The following SEC16B variants were observed in gnomAD, a reference collection of about 807,000 sequenced individuals.
The protein encoded by SEC16B is SEC16 homolog B, endoplasmic reticulum export factor, also known as protein transport protein Sec16B.
In SEC16B, 115 loss-of-function variants were observed where a neutral mutation model predicts 141.8. The ratio of observed to expected loss-of-function variants is 0.81; its 90% CI spans 0.70 to 0.95. The LOEUF (loss-of-function observed/expected upper bound fraction) is 0.95. Ranked by LOEUF, SEC16B falls within the 40% of genes least tolerant of loss-of-function variation. The probability of loss-of-function intolerance (pLI) is 0.00; values close to 1 mark genes in which losing one functional copy is unlikely to be tolerated. For synonymous variants in SEC16B, 493 were observed against 492.5 expected (o/e 1.00, Z -0.01); for missense variants, 1,291 against 1,312.3 (o/e 0.98, Z 0.25).
At chr1:177,980,125 G>T (rs969679520) in intron 1 of SEC16B, among the ~76,000 whole-genome samples, 1 of 152,176 alleles carries the variant, frequency 6.6e-6, no homozygotes, top group African/African-American at 2.4e-5. Context: ...GTACGAGCTT[G>T]CTAGACGTAT....
chr1:177,979,985 A>T (rs1352104004), intron 1 of SEC16B, among the ~76,000 whole-genome samples: 8 of 152,202 alleles, frequency 5.3e-5, no homozygotes, highest in Non-Finnish European at 1.0e-4. Context: ...CAGCCAAAGC[A>T]TATTACTAAG....
upstream of SEC16B, among the ~76,000 whole-genome samples, chr1:177,971,216 G>A (rs533380419): frequency 2.6e-5 from 4 of 152,110 alleles, no homozygotes; most frequent in Non-Finnish European, 2.9e-5. Flanking sequence ...CGAGTAGCTG[G>A]GATTACAGGT....
At position 177,937,304 on chromosome 1, in the gene SEC16B, G is replaced by A. The variant is rs1325959694; in HGVS notation, c.2413C>T (p.His805Tyr). ...ACGCTGCTGCCAGTCCCTGGTAGAT[G>A]GGTCTCAGGAACTGAGTAAAAAGGC... is the stretch of plus-strand genomic sequence containing the variant. ...PRPFYSVPET[H>Y]LPGTGSSVAV... Residue 805 changes from histidine to tyrosine, a missense_variant, in exon 19 of 26, where the codon CAT becomes TAT. Physicochemically the swap from His to Tyr is moderately conservative, Grantham distance 83. This residue lies in a region of SEC16B where 605 missense variants were observed against 614.1 expected (regional missense o/e 0.99). Transcript: ENST00000308284. 1 of 1,613,886 alleles carries A rather than the reference G, an allele frequency of 6.2e-7. No individual in the cohort carries two copies. Among genetic ancestry groups the A allele is most frequent in the Non-Finnish European group, 8.5e-7 (1 of 1,179,872 alleles).
chr1:177,972,910 G>C (rs114830782), upstream of SEC16B, among the ~76,000 whole-genome samples: 4,451 of 152,158 alleles, frequency 0.029, 217 homozygotes, highest in African/African-American at 0.098. Context: ...CTGCTCTCTG[G>C]TGTGTAAGAA....
chr1:177,953,366 G>C (rs1443437152), intron 11 of SEC16B, among the ~76,000 whole-genome samples: 1 of 152,178 alleles, frequency 6.6e-6, no homozygotes, highest in East Asian at 1.9e-4. Flanking sequence ...TCAAATATTA[G>C]TTCAGCTGAG....
intron 18 of SEC16B, among the ~76,000 whole-genome samples, chr1:177,939,253 T>C (rs1173399998): frequency 2.0e-5 from 3 of 152,176 alleles, no homozygotes; most frequent in African/African-American, 7.2e-5. Context: ...AGAGTGGAGA[T>C]GCCATGAAAA....
intron 3 of SEC16B, among the ~76,000 whole-genome samples, 188 bp downstream of exon 3, chr1:177,965,705 A>G (rs2101997858): frequency 6.6e-6 from 1 of 152,284 alleles, no homozygotes; most frequent in Middle Eastern, 3.4e-3. Context: ...TATGCATACA[A>G]AGGAAAACAA....
chr1:177,932,110 G>A (rs982106300), intron 24 of SEC16B, among the ~76,000 whole-genome samples: 4 of 152,192 alleles, frequency 2.6e-5, no homozygotes, highest in African/African-American at 9.7e-5. Context: ...ATAAATGGAG[G>A]TCATATTGGT....
chr1:177,960,493 G>C (rs73045026), intron 7 of SEC16B, 90 bp from the exon 8 acceptor site: 1 of 936,528 alleles, frequency 1.1e-6, no homozygotes, highest in South Asian at 1.4e-5. Context: ...CAAGGCCGTG[G>C]GGCTAGGATA....
intron 24 of SEC16B, among the ~76,000 whole-genome samples, chr1:177,931,523 T>C (rs1234331594): frequency 6.6e-6 from 1 of 152,188 alleles, no homozygotes; most frequent in Non-Finnish European, 1.5e-5. Flanking sequence ...AATGTCAGAA[T>C]TCACCACTAT....
In SEC16B at chr1:177,946,478, G is replaced by T. The variant is rs746781053; in HGVS notation, c.1717C>A (p.Pro573Thr). 9 of 1,585,752 alleles carry T rather than the reference G, an allele frequency of 5.7e-6. No homozygotes were observed. The South Asian group carries it at 9.3e-5, about 16-fold the overall frequency. Residue 573 changes from proline to threonine, a missense_variant, in exon 14 of 26, where the codon CCC becomes ACC. Transcript: ENST00000308284. ...AHFCYLMAHV[P>T]FGHYTVKTDH... ...GTCTTCACGGTGTAGTGGCCAAAGG[G>T]CACGTGAGCCATGAGATAGCAGAAG...
At position 177,960,814 on chromosome 1, in the gene SEC16B, G is replaced by T; in HGVS notation, c.913C>A (p.Leu305Ile). 2 of 1,611,448 alleles carry T rather than the reference G, an allele frequency of 1.2e-6. No individual in the cohort carries two copies. Among genetic ancestry groups the T allele is most frequent in the Non-Finnish European group, 1.7e-6 (2 of 1,178,544 alleles). ...ACCTCCATGCTGTGCAGTTCAACAAGGGCTGCTTGCCCGTCAGTGGGAGAG... is the reference window on the plus strand; with the variant it reads ...ACCTCCATGCTGTGCAGTTCAACAATGGCTGCTTGCCCGTCAGTGGGAGAG... ...PSSPTDGQAA[L>I]VELHSMEVIL... The change falls in exon 7 of 26, where the codon CTT (leucine) becomes ATT (isoleucine). Residue 305 changes from leucine (L) to isoleucine (I), a missense_variant. Transcript: ENST00000308284.
At position 177,937,443 on chromosome 1, in the gene SEC16B, C is replaced by G. The variant is rs1363423056; in HGVS notation, c.2274G>C (p.Leu758=). 2 of 1,605,564 alleles carry G rather than the reference C, an allele frequency of 1.2e-6. No individual in the cohort carries two copies. ...YSEAPGYRSA[L]WLTPEQTCLL... The stretch of plus-strand genomic sequence containing the variant: ...GGCAGGTCTGCTCAGGTGTCAGCCA[C>G]AGAGCTGAGCGGTACCCAGGGGCTT... Residue 758 remains leucine, a synonymous_variant, in exon 19 of 26, where the codon CTG becomes CTC. Coordinates refer to ENST00000308284, the MANE Select transcript of SEC16B (RefSeq NM_033127.4).
At chr1:177,948,580 A>G in intron 12 of SEC16B, 1 of 1,304,236 alleles carries the variant, frequency 7.7e-7, no homozygotes, top group Non-Finnish European at 1.0e-6. Flanking sequence ...AGCGTGGTGG[A>G]AATGTACAAA....
chr1:177,964,435 C>G (rs926563632), intron 4 of SEC16B, among the ~76,000 whole-genome samples, 156 bp from the exon 5 acceptor site: 1 of 152,210 alleles, frequency 6.6e-6, no homozygotes, highest in Non-Finnish European at 1.5e-5. Context: ...CTCACCACCT[C>G]AATCTACTAA....
In SEC16B at chr1:177,965,135, C is replaced by T. The variant is rs770506272; in HGVS notation, c.445G>A (p.Glu149Lys). The change falls in exon 4 of 26, where the codon GAA (glutamate) becomes AAA (lysine). Residue 149 changes from glutamate (E) to lysine (K), a missense_variant. Around this residue, in one of 3 missense-constraint regions of SEC16B, gnomAD observed 681 missense variants for 675.5 expected, o/e 1.01. Transcript: ENST00000308284. ...PRQRSPYIWHEDYREQKYLDE... is the reference protein window; with the variant it reads ...PRQRSPYIWHKDYREQKYLDE... ...AGGTACTTTTGCTCTCGGTAATCTT[C>T]GTGCCAGATATAAGGACTCCGTTGC... 1.2e-6 allele frequency: 2 copies of T among 1,613,564 alleles called. No homozygotes were observed. Among genetic ancestry groups the T allele is most frequent in the Non-Finnish European group, 1.7e-6 (2 of 1,179,732 alleles).
chr1:177,933,637 C>CT lies in SEC16B; in HGVS notation c.2572-2dup. On this transcript the variant is annotated splice_acceptor_variant, in intron 20 of 25. Coordinates refer to ENST00000308284, the MANE Select transcript of SEC16B (RefSeq NM_033127.4). LOFTEE classifies it high-confidence loss of function. ...TTCGTGGTCTAGCAGCCAATGGTGT[C>CT]TGGAATTAAAGAAATAACTCACATT... The CT allele has an allele frequency of 1.2e-6, 2 of 1,613,784 alleles. No homozygotes were observed. The highest frequency in any genetic ancestry group is 1.7e-6 in the Non-Finnish European group (2 of 1,179,766).
intron 5 of SEC16B, 116 bp from the exon 6 acceptor site, chr1:177,961,850 AAG>A: frequency 1.0e-6 from 1 of 993,920 alleles, no homozygotes; most frequent in Non-Finnish European, 1.5e-6. Flanking sequence ...AAAGGATAAA[AAG>A]AGATAATCAA....
intron 18 of SEC16B, among the ~76,000 whole-genome samples, chr1:177,938,766 G>A (rs1407627015): frequency 1.3e-5 from 2 of 152,082 alleles, no homozygotes; most frequent in African/African-American, 4.8e-5. Context: ...GATGGACATG[G>A]GTATTTAAAA....
Sources: gnomAD v4.1 joint callset for allele counts (sites outside exome capture counted in the v4.1 genomes callset) on GRCh38, gnomAD v4.1.1 for gene constraint, gnomAD v4.1.1 regional missense constraint, MANE v1.5 for transcripts, NCBI Gene and HGNC (gene_info 2026-07-23, HGNC 2026-07-21) for gene names.